NMNAT2: variants seen among roughly 807,000 people sequenced by gnomAD.
NMNAT2 encodes the protein nicotinamide nucleotide adenylyltransferase 2, also known as nicotinamide/nicotinic acid mononucleotide adenylyltransferase 2.
Under a neutral mutation model 41.6 loss-of-function variants are expected in NMNAT2, and 11 were observed. The ratio of observed to expected loss-of-function variants is 0.26; its 90% confidence interval spans 0.17 to 0.44. The LOEUF (loss-of-function observed/expected upper bound fraction) is 0.44. Ranked by LOEUF, NMNAT2 falls within the 20% of genes least tolerant of loss-of-function variation. The pLI is 1.00. For synonymous variants in NMNAT2, 148 were observed against 151.2 expected (o/e 0.98, Z 0.16); for missense variants, 288 against 407.7 (o/e 0.71, Z 2.53).
At chr1:183,255,173 G>A (rs529307161) in intron 10 of NMNAT2, among the ~76,000 whole-genome samples, 2 of 152,282 alleles carry the variant, frequency 1.3e-5, no homozygotes, top group African/African-American at 2.4e-5. Flanking sequence ...TGAAGAGACT[G>A]TCCTCTCTTT....
At chr1:183,354,852 C>G (rs1663148867) in intron 1 of NMNAT2, among the ~76,000 whole-genome samples, 3 of 152,202 alleles carry the variant, frequency 2.0e-5, no homozygotes, top group African/African-American at 7.2e-5. Flanking sequence ...CAAAAGCAAC[C>G]ATCTTTTGCC....
intron 1 of NMNAT2, among the ~76,000 whole-genome samples, chr1:183,297,633 G>A (rs1010272193): frequency 3.9e-5 from 6 of 152,006 alleles, no homozygotes; most frequent in African/African-American, 9.7e-5. Flanking sequence ...TGCCCACCTC[G>A]GCCTCCTAAA....
At chr1:183,253,046 A>T (rs2102271028) in intron 10 of NMNAT2, among the ~76,000 whole-genome samples, 1 of 152,130 alleles carries the variant, frequency 6.6e-6, no homozygotes, top group Middle Eastern at 3.4e-3. Flanking sequence ...TAGTTATTCA[A>T]AGGATTAAAT....
chr1:183,260,971 TAA>T (rs1161453203), intron 10 of NMNAT2, 29 bp downstream of exon 10: 1 of 1,561,130 alleles, frequency 6.4e-7, no homozygotes, highest in East Asian at 2.2e-5. Flanking sequence ...ACAGTTTGAC[TAA>T]AGTCTCTCTG....
chr1:183,281,082 G>A (rs1661255680), intron 7 of NMNAT2, among the ~76,000 whole-genome samples: 1 of 152,100 alleles, frequency 6.6e-6, no homozygotes, highest in South Asian at 2.1e-4. Context: ...ACCGCGCCCA[G>A]CCTAGTGTTA....
intron 1 of NMNAT2, among the ~76,000 whole-genome samples, chr1:183,302,905 C>T (rs1002362682): frequency 6.6e-6 from 1 of 152,160 alleles, no homozygotes; most frequent in Non-Finnish European, 1.5e-5. Flanking sequence ...TCCTTGCTGG[C>T]CCCCTATGAC....
At chr1:183,409,615 C>A (rs945953351) in intron 1 of NMNAT2, among the ~76,000 whole-genome samples, 6 of 152,126 alleles carry the variant, frequency 3.9e-5, no homozygotes, top group African/African-American at 1.2e-4. Flanking sequence ...CTGTGCCCAG[C>A]CAGAACCATA....
At chr1:183,330,630 G>T (rs113302999) in intron 1 of NMNAT2, among the ~76,000 whole-genome samples, 5 of 152,214 alleles carry the variant, frequency 3.3e-5, no homozygotes, top group South Asian at 2.1e-4. Flanking sequence ...AACTTGGTGG[G>T]CTATGCACGC....
chr1:183,273,953 CT>C (rs913357715), intron 8 of NMNAT2, among the ~76,000 whole-genome samples: 2 of 150,094 alleles, frequency 1.3e-5, no homozygotes, highest in African/African-American at 2.5e-5. Context: ...AGTCTTGTCA[CT>C]CAGGCTAGAG....
At chr1:183,342,267 G>C (rs1278039003) in intron 1 of NMNAT2, among the ~76,000 whole-genome samples, 1 of 152,068 alleles carries the variant, frequency 6.6e-6, no homozygotes, top group Non-Finnish European at 1.5e-5. Context: ...GAGATGGGAG[G>C]ATTGCTTGAG....
intron 1 of NMNAT2, among the ~76,000 whole-genome samples, chr1:183,356,111 A>G (rs1425782171): frequency 6.6e-6 from 1 of 152,348 alleles, no homozygotes; most frequent in African/African-American, 2.4e-5. Context: ...GACACTATTG[A>G]GAGGTGCACA....
At chr1:183,391,337 A>C (rs1384264560) in intron 1 of NMNAT2, among the ~76,000 whole-genome samples, 1 of 152,126 alleles carries the variant, frequency 6.6e-6, no homozygotes, top group Non-Finnish European at 1.5e-5. Context: ...ACTCTTCTAC[A>C]TATAGATGAA....
chr1:183,313,116 A>G (rs1476841854), intron 1 of NMNAT2, among the ~76,000 whole-genome samples: 1 of 147,318 alleles, frequency 6.8e-6, no homozygotes, highest in Non-Finnish European at 1.5e-5. Flanking sequence ...CTCCCCCAAC[A>G]CGCACGCATC....
intron 8 of NMNAT2, among the ~76,000 whole-genome samples, chr1:183,270,266 T>G (rs1015406386): frequency 3.3e-5 from 5 of 152,144 alleles, no homozygotes; most frequent in Non-Finnish European, 4.4e-5. Context: ...CATAGCTACT[T>G]GGGAGGCTGG....
chr1:183,255,655 C>A (rs61018218), intron 10 of NMNAT2, among the ~76,000 whole-genome samples: 2 of 127,390 alleles, frequency 1.6e-5, no homozygotes, highest in East Asian at 4.3e-4. Context: ...TAAATTTATT[C>A]CTAAGGGTTT....
intron 1 of NMNAT2, among the ~76,000 whole-genome samples, chr1:183,406,365 G>A (rs1295360280): frequency 6.6e-6 from 1 of 152,164 alleles, no homozygotes; most frequent in South Asian, 2.1e-4. Flanking sequence ...CACAGTGGAA[G>A]ACAAATTAAA....
chr1:183,396,359 A>G (rs1241862269), intron 1 of NMNAT2, among the ~76,000 whole-genome samples: 1 of 152,184 alleles, frequency 6.6e-6, no homozygotes, highest in Non-Finnish European at 1.5e-5. Context: ...AGCCAGCACC[A>G]GGGAAAGGCA....
chr1:183,405,149 G>T (rs1455691025), intron 1 of NMNAT2, among the ~76,000 whole-genome samples: 1 of 152,168 alleles, frequency 6.6e-6, no homozygotes, highest in Non-Finnish European at 1.5e-5. Context: ...GAGCCCAGGA[G>T]GTCAAGGCTG....
intron 1 of NMNAT2, among the ~76,000 whole-genome samples, chr1:183,302,493 G>A (rs1661881824): frequency 6.6e-6 from 1 of 152,134 alleles, no homozygotes; most frequent in Non-Finnish European, 1.5e-5. Context: ...TTTGACATCT[G>A]GGGACTTGCT....
Sources: allele counts gnomAD v4.1 joint callset (sites outside exome capture counted in the v4.1 genomes callset), GRCh38; gene constraint gnomAD v4.1.1; transcripts MANE v1.5; gene names NCBI Gene and HGNC (gene_info 2026-07-23, HGNC 2026-07-21).